Variants in SMCO4 observed in about 807,000 individuals in gnomAD.
SMCO4 encodes the protein single-pass membrane and coiled-coil domain-containing protein 4.
In SMCO4, 4 loss-of-function variants were observed where a neutral mutation model predicts 3.6. The ratio of observed to expected loss-of-function variants is 1.11; its 90% confidence interval spans 0.54 to 2.53. The LOEUF is 2.53. Among genes scored for constraint, SMCO4 ranks in the 30% most tolerant of loss-of-function variants. The probability of loss-of-function intolerance (pLI) is 0.02; values close to 1 mark genes in which losing one functional copy is unlikely to be tolerated. For missense variants in SMCO4, 70 were observed against 80.8 expected (o/e 0.87, Z 0.51); for synonymous variants, 36 against 35.3 (o/e 1.02, Z -0.07).
chr11:93,527,609 A>G (rs1949120827), intron 1 of SMCO4, among the ~76,000 whole-genome samples: 1 of 152,000 alleles, frequency 6.6e-6, no homozygotes, highest in Non-Finnish European at 1.5e-5. Flanking sequence ...GGCACACACC[A>G]CCACGCATAA....
intron 2 of SMCO4, among the ~76,000 whole-genome samples, chr11:93,485,607 C>T (rs1291400137): frequency 6.6e-6 from 1 of 152,168 alleles, no homozygotes; most frequent in African/African-American, 2.4e-5. Context: ...CTGACGTCTC[C>T]ACTTCTCGGG....
intron 2 of SMCO4, among the ~76,000 whole-genome samples, chr11:93,497,276 A>G (rs1007223899): frequency 7.2e-5 from 11 of 152,202 alleles, no homozygotes; most frequent in African/African-American, 2.7e-4. Flanking sequence ...GACTGATAGA[A>G]ACCATTTGCA....
upstream of SMCO4, among the ~76,000 whole-genome samples, chr11:93,548,199 T>G (rs1405104335): frequency 6.6e-6 from 1 of 152,222 alleles, no homozygotes; most frequent in African/African-American, 2.4e-5. Flanking sequence ...ATGAGAGTAA[T>G]CAGAGCAATG....
At chr11:93,489,353 T>C (rs1321295204) in intron 2 of SMCO4, among the ~76,000 whole-genome samples, 1 of 152,200 alleles carries the variant, frequency 6.6e-6, no homozygotes, top group East Asian at 1.9e-4. Flanking sequence ...AATAATTATG[T>C]ATGAAAAATA....
intron 2 of SMCO4, among the ~76,000 whole-genome samples, chr11:93,486,979 G>GTA (rs772805018): frequency 6.6e-6 from 1 of 152,158 alleles, no homozygotes; most frequent in Non-Finnish European, 1.5e-5. Flanking sequence ...CACGAGAAGG[G>GTA]TATATATGGA....
At chr11:93,508,176 A>C (rs1031582853) in intron 1 of SMCO4, among the ~76,000 whole-genome samples, 43 of 152,108 alleles carry the variant, frequency 2.8e-4, no homozygotes, top group Non-Finnish European at 5.0e-4. Flanking sequence ...GGGTCCTGAA[A>C]CCAATTGTGG....
At chr11:93,507,201 T>C (rs1473998847) in intron 1 of SMCO4, among the ~76,000 whole-genome samples, 1 of 152,106 alleles carries the variant, frequency 6.6e-6, no homozygotes, top group Non-Finnish European at 1.5e-5. Flanking sequence ...GGTCAGGAGT[T>C]CAAGGTCAGC....
rs140592708 is a variant in SMCO4 at position 93,479,135 on chromosome 11, G to T, written c.55C>A (p.Arg19=). The change falls in exon 3 of 3, where the codon CGG becomes AGG. Residue 19 remains arginine, a synonymous_variant. Coordinates refer to ENST00000298966, the MANE Select transcript of SMCO4 (RefSeq NM_020179.3). ...CGGGCCTCCTGCATGGCTTGCTTCCGCTCCTTCTTGTCCTTGGAGGTCTCC... is the reference window on the plus strand; with the variant it reads ...CGGGCCTCCTGCATGGCTTGCTTCCTCTCCTTCTTGTCCTTGGAGGTCTCC... ...KKETSKDKKE[R]KQAMQEARQQ... The T allele has an allele frequency of 1.9e-6, 3 of 1,613,942 alleles. No homozygotes were observed. Among genetic ancestry groups the T allele is most frequent in the East Asian group, 2.2e-5 (1 of 44,840 alleles).
intron 2 of SMCO4, among the ~76,000 whole-genome samples, chr11:93,490,690 C>T (rs1412658219): frequency 1.3e-5 from 2 of 152,192 alleles, no homozygotes; most frequent in African/African-American, 4.8e-5. Context: ...GAAACACTAC[C>T]TCCAGAGGTC....
chr11:93,494,386 T>C (rs1948752164), intron 2 of SMCO4, among the ~76,000 whole-genome samples: 1 of 152,156 alleles, frequency 6.6e-6, no homozygotes, highest in Non-Finnish European at 1.5e-5. Flanking sequence ...GTTAACCAAA[T>C]AACAAGAAAG....
At chr11:93,497,698 G>C (rs543933299) in intron 2 of SMCO4, among the ~76,000 whole-genome samples, 1 of 152,196 alleles carries the variant, frequency 6.6e-6, no homozygotes, top group Non-Finnish European at 1.5e-5. Context: ...ATGATGTTAT[G>C]CAAGACATTG....
chr11:93,499,675 T>G (rs1461319586), intron 1 of SMCO4, among the ~76,000 whole-genome samples: 1 of 152,216 alleles, frequency 6.6e-6, no homozygotes, highest in Admixed American at 6.5e-5. Context: ...CGCTGCTAAC[T>G]TAAGCCGCCA....
At chr11:93,546,062 TGG>T (rs1949313479), upstream of SMCO4, among the ~76,000 whole-genome samples, 2 of 152,148 alleles carry the variant, frequency 1.3e-5, no homozygotes, top group African/African-American at 2.4e-5. Flanking sequence ...AATAAAATGG[TGG>T]TTGTTTCAAA....
chr11:93,525,424 TG>T (rs1175009050), intron 1 of SMCO4, among the ~76,000 whole-genome samples: 1 of 152,190 alleles, frequency 6.6e-6, no homozygotes, highest in African/African-American at 2.4e-5. Flanking sequence ...CAGCTAATAT[TG>T]GGTAAAAATT....
intron 1 of SMCO4, among the ~76,000 whole-genome samples, chr11:93,513,250 G>A (rs1948975202): frequency 6.6e-6 from 1 of 152,106 alleles, no homozygotes; most frequent in South Asian, 2.1e-4. Flanking sequence ...GGTTGTTGTG[G>A]GAGATAAATA....
chr11:93,542,101 T>C (rs1480481027), intron 1 of SMCO4, among the ~76,000 whole-genome samples: 1 of 78,722 alleles, frequency 1.3e-5, no homozygotes, highest in Non-Finnish European at 2.6e-5. Flanking sequence ...ATACAAAGTT[T>C]ATTTGTAAAG....
chr11:93,523,287 G>C (rs150514729), intron 1 of SMCO4: 1 of 152,468 alleles, frequency 6.6e-6, no homozygotes, highest in African/African-American at 2.4e-5. Flanking sequence ...CTGCACTCCA[G>C]CCTGGGTTAC....
chr11:93,526,061 A>C (rs1164203828), intron 1 of SMCO4, among the ~76,000 whole-genome samples: 8 of 152,196 alleles, frequency 5.3e-5, no homozygotes, highest in Admixed American at 2.6e-4. Context: ...GGGACTTCTC[A>C]AGCTGTCTAT....
chr11:93,503,081 G>A (rs1011177253), intron 1 of SMCO4, among the ~76,000 whole-genome samples: 4 of 152,134 alleles, frequency 2.6e-5, no homozygotes, highest in Non-Finnish European at 5.9e-5. Flanking sequence ...CCATTGTCTA[G>A]AACCCTGTAG....
Sources: gnomAD v4.1 joint callset for allele counts (sites outside exome capture counted in the v4.1 genomes callset) on GRCh38, gnomAD v4.1.1 for gene constraint, MANE v1.5 for transcripts, NCBI Gene and HGNC (gene_info 2026-07-23, HGNC 2026-07-21) for gene names.